MGAT5: variants seen among roughly 807,000 people sequenced by gnomAD.
The protein encoded by MGAT5 is alpha-1,6-mannosylglycoprotein 6-beta-N-acetylglucosaminyltransferase, also known as alpha-1,6-mannosylglycoprotein 6-beta-N-acetylglucosaminyltransferase A.
A neutral mutation model predicts 94.3 loss-of-function variants in MGAT5; 30 were observed. That is an observed-to-expected ratio of 0.32 (90% CI 0.24 to 0.43). The LOEUF is 0.43. Ranked by LOEUF, MGAT5 falls within the 20% of genes least tolerant of loss-of-function variation. MGAT5 has a pLI of 1.00. For missense variants in MGAT5, 691 were observed against 905.5 expected, an observed-to-expected ratio of 0.76 and a Z score of 3.04; for synonymous variants, 310 against 322.9, an observed-to-expected ratio of 0.96 and a Z score of 0.43.
At chr2:134,233,869 C>T (rs1209664541) in intron 1 of MGAT5, among the ~76,000 whole-genome samples, 1 of 152,216 alleles carries the variant, frequency 6.6e-6, no homozygotes, top group Non-Finnish European at 1.5e-5. Context: ...TCTGCCACAC[C>T]AGATTGCCTC....
In MGAT5 at chr2:134,436,704, G is replaced by A. The variant is rs138284948; in HGVS notation, c.1870-5054G>A. ...CAATGCAGTACCTTGGAAGCTCTAC[G>A]GGGCACAGGCAGCTCTTCCAAGAAG... On this transcript the variant is annotated intron_variant, in intron 14 of 15. Transcript: ENST00000281923. Among the ~76,000 whole-genome samples, 29 of 152,256 alleles carry A rather than the reference G, an allele frequency of 1.9e-4. No individual in the cohort carries two copies. The East Asian group carries it at 2.5e-3, about 13-fold the overall frequency.
intron 1 of MGAT5, among the ~76,000 whole-genome samples, chr2:134,242,714 C>A (rs979787854): frequency 4.6e-5 from 7 of 152,168 alleles, no homozygotes; most frequent in Non-Finnish European, 8.8e-5. Context: ...GATGAGAGTT[C>A]GAGTAGCAAT....
At position 134,189,602 on chromosome 2, in the gene MGAT5, G is replaced by GTTTTTTTTTTTT. The variant is rs912983981; in HGVS notation, c.-142-64653_-142-64642dup. Among the ~76,000 whole-genome samples, 119 of 84,626 alleles carry GTTTTTTTTTTTT rather than the reference G, an allele frequency of 1.4e-3. 11 individuals carry two copies. Among genetic ancestry groups the GTTTTTTTTTTTT allele is most frequent in the African/African-American group, 5.0e-3 (104 of 20,976 alleles). The allele number at this position is 84,626 out of a possible 152,430, so 55.5% of individuals were successfully genotyped here. The stretch of plus-strand genomic sequence containing the variant: ...AACCTCATGGCTCTAGTTTTTTTTT[G>GTTTTTTTTTTTT]TTTTTTTTTTTTTTTTTTAAGACAG... On this transcript the variant is annotated intron_variant, in intron 1 of 16. Coordinates refer to the MGAT5 transcript ENST00000409645.
intron 1 of MGAT5, among the ~76,000 whole-genome samples, chr2:134,187,159 G>A (rs1482435016): frequency 2.0e-5 from 3 of 152,220 alleles, no homozygotes. Context: ...GGAAAGCCTT[G>A]CTGGGCAGGG....
chr2:134,291,033 A>G (rs1459397225), intron 2 of MGAT5, among the ~76,000 whole-genome samples: 2 of 152,200 alleles, frequency 1.3e-5, no homozygotes, highest in Non-Finnish European at 2.9e-5. Flanking sequence ...GGCCATAGAC[A>G]GTTTACATGT....
At chr2:134,442,779 G>A (rs1401255868) in intron 15 of MGAT5, among the ~76,000 whole-genome samples, 3 of 152,122 alleles carry the variant, frequency 2.0e-5, no homozygotes, top group Non-Finnish European at 4.4e-5. Flanking sequence ...CCCCACCGTA[G>A]TCCACATATT....
At chr2:134,134,055 A>G (rs1350283428) in intron 1 of MGAT5, among the ~76,000 whole-genome samples, 2 of 152,192 alleles carry the variant, frequency 1.3e-5, no homozygotes, top group East Asian at 3.8e-4. Flanking sequence ...TGGGGATGCA[A>G]ATGGCCACTA....
At chr2:134,320,415 A>G (rs892985914) in intron 4 of MGAT5, among the ~76,000 whole-genome samples, 2 of 151,670 alleles carry the variant, frequency 1.3e-5, no homozygotes, top group African/African-American at 4.9e-5. Flanking sequence ...GGGCCACTTG[A>G]ATTTTTTACA....
chr2:134,411,355 G>A (rs1031039944), intron 11 of MGAT5, among the ~76,000 whole-genome samples: 9 of 152,124 alleles, frequency 5.9e-5, no homozygotes, highest in Admixed American at 5.2e-4. Context: ...GCCCAAGGGG[G>A]AAATGACCCA....
chr2:134,236,675 G>A (rs532445730), intron 1 of MGAT5, among the ~76,000 whole-genome samples: 2 of 152,214 alleles, frequency 1.3e-5, no homozygotes, highest in Non-Finnish European at 2.9e-5. Context: ...ACCCAGTCTC[G>A]GGTATGTCTT....
At chr2:134,284,740 C>T (rs1384254016) in intron 2 of MGAT5, among the ~76,000 whole-genome samples, 1 of 152,124 alleles carries the variant, frequency 6.6e-6, no homozygotes. Flanking sequence ...TGTAATCTAC[C>T]CAAAATGGTG....
chr2:134,193,118 A>ATTTTTT (rs1202177985), intron 1 of MGAT5, among the ~76,000 whole-genome samples: 1 of 139,374 alleles, frequency 7.2e-6, no homozygotes, highest in Non-Finnish European at 1.5e-5. Flanking sequence ...TTTTATTTTT[A>ATTTTTT]TTTTTTATTT....
chr2:134,170,292 C>T (rs1688143606), intron 1 of MGAT5, among the ~76,000 whole-genome samples: 1 of 152,222 alleles, frequency 6.6e-6, no homozygotes, highest in Non-Finnish European at 1.5e-5. Flanking sequence ...CCCATTCCTT[C>T]ACCTCAAGGC....
intron 1 of MGAT5, among the ~76,000 whole-genome samples, chr2:134,248,004 G>GC (rs1349995456): frequency 2.0e-5 from 3 of 152,048 alleles, no homozygotes; most frequent in Admixed American, 6.6e-5. Context: ...TCACTGCCCT[G>GC]CCCCCCTAGA....
At chr2:134,175,296 A>G (rs1007722620) in intron 1 of MGAT5, among the ~76,000 whole-genome samples, 2 of 152,236 alleles carry the variant, frequency 1.3e-5, no homozygotes, top group South Asian at 2.1e-4. Flanking sequence ...CTACCCCTCC[A>G]TATTCCCTGC....
chr2:134,122,187 C>T (rs912563998), intron 1 of MGAT5, among the ~76,000 whole-genome samples: 4 of 151,998 alleles, frequency 2.6e-5, no homozygotes, highest in African/African-American at 9.7e-5. Flanking sequence ...TCACTGCAGC[C>T]TCAGCTTTCC....
intron 10 of MGAT5, among the ~76,000 whole-genome samples, chr2:134,365,012 C>T (rs1680336374): frequency 6.6e-6 from 1 of 152,150 alleles, no homozygotes; most frequent in Admixed American, 6.5e-5. Flanking sequence ...CTATCTTGTT[C>T]TTGTGTCCCA....
intron 10 of MGAT5, among the ~76,000 whole-genome samples, chr2:134,385,962 G>A (rs79319035): frequency 6.6e-6 from 1 of 152,254 alleles, no homozygotes. Context: ...CTAAAAAGCT[G>A]TGCTAATCAA....
intron 1 of MGAT5, among the ~76,000 whole-genome samples, chr2:134,133,568 C>T (rs60296925): frequency 0.013 from 1,961 of 152,242 alleles, 38 homozygotes; most frequent in African/African-American, 0.044. Context: ...AAAAATCCCC[C>T]AAATAGGGTC....
Sources: gnomAD v4.1 joint callset for allele counts (sites outside exome capture counted in the v4.1 genomes callset) on GRCh38, gnomAD v4.1.1 for gene constraint, MANE v1.5 for transcripts, NCBI Gene and HGNC (gene_info 2026-07-23, HGNC 2026-07-21) for gene names.